SMCO2: variants seen among roughly 807,000 people sequenced by gnomAD.
SMCO2 encodes single-pass membrane and coiled-coil domain-containing protein 2.
A neutral mutation model predicts 29.5 loss-of-function variants in SMCO2; 25 were observed. The ratio of observed to expected loss-of-function variants is 0.85; its 90% CI spans 0.62 to 1.18. The LOEUF is 1.18. SMCO2 is among the 50% of genes most tolerant of loss of function. SMCO2 has a pLI of 0.00. For missense variants in SMCO2, 348 were observed against 344.5 expected (o/e 1.01, Z -0.08); for synonymous variants, 117 against 123.3 (o/e 0.95, Z 0.34).
chr12:27,450,823 G>A, the SMCO2 span, among the ~76,000 whole-genome samples: 1 of 152,202 alleles, frequency 6.6e-6, no homozygotes. Flanking sequence ...TTTAGGTGGT[G>A]TTTTCTTGGT....
chr12:27,502,077 G>C, exon 8 of SMCO2: 2 of 1,543,996 alleles, frequency 1.3e-6, no homozygotes, highest in South Asian at 1.2e-5. Context: ...GGAGATGAGA[G>C]AGCCTTTCTT....
chr12:27,424,681 A>C, the SMCO2 span: 26 of 152,218 alleles, frequency 1.7e-4, no homozygotes, highest in African/African-American at 4.8e-4. Flanking sequence ...TCTCCCCCTC[A>C]GGTGGGTCAT....
At chr12:27,467,040 A>G (rs1949503978) in intron 1 of SMCO2, 1 of 152,138 alleles carries the variant, frequency 6.6e-6, no homozygotes, top group Non-Finnish European at 1.5e-5. Flanking sequence ...GTGACGTCGA[A>G]TCCCTGATTA....
chr12:27,448,573 C>A, the SMCO2 span, among the ~76,000 whole-genome samples: 1 of 152,190 alleles, frequency 6.6e-6, no homozygotes, highest in African/African-American at 2.4e-5. Flanking sequence ...CCAGCAGACC[C>A]TTAAGCTCCT....
At chr12:27,482,054 A>G (rs971206359) in intron 4 of SMCO2, among the ~76,000 whole-genome samples, 2 of 148,374 alleles carry the variant, frequency 1.3e-5, no homozygotes, top group South Asian at 4.3e-4. Context: ...CTTTAGGCTT[A>G]TGTTGCTATC....
At chr12:27,435,624 C>T in the SMCO2 span, among the ~76,000 whole-genome samples, 302 of 151,132 alleles carry the variant, frequency 2.0e-3, no homozygotes, top group African/African-American at 7.1e-3. Context: ...CTTTCCCTAC[C>T]CAGACTGGTC....
At chr12:27,465,063 AAAG>A (rs1949488650), upstream of SMCO2, among the ~76,000 whole-genome samples, 1 of 151,054 alleles carries the variant, frequency 6.6e-6, no homozygotes, top group Non-Finnish European at 1.5e-5. Flanking sequence ...AAAGAAAAGA[AAAG>A]AAAAAGAGAG....
At chr12:27,455,024 C>G in the SMCO2 span, among the ~76,000 whole-genome samples, 28 of 152,212 alleles carry the variant, frequency 1.8e-4, no homozygotes, top group South Asian at 5.2e-3. Flanking sequence ...TACATTATTT[C>G]TAGGAATTAA....
At chr12:27,498,034 G>T in intron 7 of SMCO2, 1 of 281,824 alleles carries the variant, frequency 3.5e-6, no homozygotes. Flanking sequence ...AGTGATCCAT[G>T]GACAAATTGA....
chr12:27,438,412 T>C, the SMCO2 span, among the ~76,000 whole-genome samples: 1 of 152,230 alleles, frequency 6.6e-6, no homozygotes, highest in African/African-American at 2.4e-5. Flanking sequence ...GACAGCCTAC[T>C]GGTCATATCT....
At chr12:27,448,008 T>C in the SMCO2 span, among the ~76,000 whole-genome samples, 2 of 152,172 alleles carry the variant, frequency 1.3e-5, no homozygotes, top group Non-Finnish European at 2.9e-5. Context: ...GGACAGGAAC[T>C]GTATCTTTAC....
rs533686670 is a variant in SMCO2 at position 27,470,388 on chromosome 12, A to G, written c.-10-234A>G. On this transcript the variant is annotated intron_variant, in intron 1 of 7. Coordinates refer to ENST00000298876, the Ensembl canonical transcript of SMCO2. Reference sequence around the variant, plus strand: ...TCTCCTTCGAGCATTCAAAGCGCACATTTACCAGCCAAGAGGTGTGTCCTT... The same window carrying G: ...TCTCCTTCGAGCATTCAAAGCGCACGTTTACCAGCCAAGAGGTGTGTCCTT... Among the ~76,000 whole-genome samples, 10 of 152,302 alleles carry G rather than the reference A, an allele frequency of 6.6e-5. No homozygotes were observed. The East Asian group carries it at 1.3e-3, about 21-fold the overall frequency.
chr12:27,430,158 C>A, the SMCO2 span, among the ~76,000 whole-genome samples: 1 of 152,024 alleles, frequency 6.6e-6, no homozygotes, highest in African/African-American at 2.4e-5. Flanking sequence ...CGATTAAGTT[C>A]TTGTATATTC....
At chr12:27,462,700 A>G (rs1371614370), upstream of SMCO2, among the ~76,000 whole-genome samples, 1 of 152,218 alleles carries the variant, frequency 6.6e-6, no homozygotes, top group Non-Finnish European at 1.5e-5. Context: ...GGCACATTCA[A>G]ACCAGAGTAG....
At chr12:27,479,452 G>A (rs535518667) in intron 4 of SMCO2, among the ~76,000 whole-genome samples, 11 of 152,320 alleles carry the variant, frequency 7.2e-5, no homozygotes, top group African/African-American at 2.6e-4. Context: ...CAGGGTTGCT[G>A]TCTGTATTTG....
Position 27,495,210 on chromosome 12 carries a change from T to TG in SMCO2, c.508-470_508-469insG, listed in dbSNP as rs1555175553. On this transcript the variant is annotated intron_variant, in intron 6 of 7. Transcript: ENST00000298876. Reference sequence around the variant, plus strand: ...ACTCTCCGTTCCCACACCCTATTTGTTTTCTCTTTAGTGTGTATCTTAACA... The same window carrying TG: ...ACTCTCCGTTCCCACACCCTATTTGTGTTTCTCTTTAGTGTGTATCTTAACA... 8.5e-4 allele frequency among the ~76,000 whole-genome samples: 129 copies of TG among 151,404 alleles called. 5 individuals are homozygous for TG. The highest frequency in any genetic ancestry group is 2.0e-3 in the African/African-American group (80 of 40,848).
chr12:27,488,453 T>C lies in SMCO2; in HGVS notation c.363-7T>C. 6.6e-7 allele frequency: 1 copy of C among 1,523,458 alleles called. No homozygotes were observed. The highest frequency in any genetic ancestry group is 8.8e-7 in the Non-Finnish European group (1 of 1,133,894). 94.4% of individuals were successfully genotyped at this position (1,523,458 alleles called of 1,614,324 possible). ...CTGCAGGCCTTAGTATCTTGGTCTG[T>C]TTGCAGCTTATTAAAAGACATGCTG... is the stretch of plus-strand genomic sequence containing the variant. On this transcript the variant is annotated splice_region_variant and splice_polypyrimidine_tract_variant and intron_variant, in intron 4 of 7. Transcript: ENST00000298876.
chr12:27,441,712 C>A, the SMCO2 span, among the ~76,000 whole-genome samples: 1 of 152,122 alleles, frequency 6.6e-6, no homozygotes, highest in East Asian at 1.9e-4. Flanking sequence ...AAATTACACA[C>A]TATATCTAAT....
the SMCO2 span, chr12:27,425,304 T>C: frequency 3.3e-5 from 5 of 152,150 alleles, no homozygotes; most frequent in Non-Finnish European, 7.3e-5. Flanking sequence ...CTTAACTACT[T>C]TCTAATGTGG....
Sources: allele counts gnomAD v4.1 joint callset (sites outside exome capture counted in the v4.1 genomes callset), GRCh38; gene constraint gnomAD v4.1.1; transcripts MANE v1.5; gene names NCBI Gene and HGNC (gene_info 2026-07-23, HGNC 2026-07-21).